Variants in FAM171B observed in about 807,000 individuals in gnomAD.
FAM171B encodes protein FAM171B.
FAM171B carries 19 observed loss-of-function variants against 75.6 expected under a neutral mutation model. The observed-to-expected ratio is 0.25, with a 90% CI of 0.18 to 0.37. The LOEUF (loss-of-function observed/expected upper bound fraction) is 0.37, where lower values mean the gene tolerates loss of function less well. Among genes scored for constraint, FAM171B ranks in the 10% least tolerant of loss-of-function variants. The pLI, the probability that FAM171B is intolerant of heterozygous loss-of-function variation, is 1.00. For missense variants in FAM171B, 848 were observed against 982.4 expected (o/e 0.86, Z 1.83); for synonymous variants, 367 against 361.7 (o/e 1.01, Z -0.17).
rs543369903 is a variant in FAM171B at position 186,725,801 on chromosome 2, A to G, written c.239-14427A>G. Among the ~76,000 whole-genome samples the G allele has an allele frequency of 2.0e-5, 3 of 152,340 alleles. No homozygotes were observed. In the East Asian group the frequency reaches 5.8e-4, roughly 29 times the overall value. Reference sequence around the variant, plus strand: ...TAAATGTTGAATAAGTGTCTGAGTGAGTGAATAAATGCTTGTGATTCTAAG... The same window carrying G: ...TAAATGTTGAATAAGTGTCTGAGTGGGTGAATAAATGCTTGTGATTCTAAG... On this transcript the variant is annotated intron_variant, in intron 1 of 7. Coordinates refer to ENST00000304698, the MANE Select transcript of FAM171B (RefSeq NM_177454.4).
At chr2:186,742,110 C>T (rs1168143832) in intron 2 of FAM171B, among the ~76,000 whole-genome samples, 1 of 152,046 alleles carries the variant, frequency 6.6e-6, no homozygotes, top group Non-Finnish European at 1.5e-5. Flanking sequence ...GAATACCCAA[C>T]AAAGAGCTAT....
chr2:186,731,139 A>G (rs1009984510), intron 1 of FAM171B, among the ~76,000 whole-genome samples: 4 of 152,188 alleles, frequency 2.6e-5, no homozygotes, highest in African/African-American at 7.2e-5. Context: ...ATTCTGTAAC[A>G]GGTATCAATG....
chr2:186,730,835 GTTTTT>G (rs992812875), intron 1 of FAM171B, among the ~76,000 whole-genome samples: 1 of 149,672 alleles, frequency 6.7e-6, no homozygotes, highest in East Asian at 1.9e-4. Flanking sequence ...GGAATATGCA[GTTTTT>G]TTTTTCTTTT....
At chr2:186,754,189 A>T (rs990325874) in intron 6 of FAM171B, 140 bp downstream of exon 6, 1 of 584,420 alleles carries the variant, frequency 1.7e-6, no homozygotes, top group Non-Finnish European at 2.9e-6. Flanking sequence ...ATCTCAGCTT[A>T]TTTTTTTTTC....
chr2:186,725,581 A>G (rs1171066674), intron 1 of FAM171B, among the ~76,000 whole-genome samples: 1 of 151,970 alleles, frequency 6.6e-6, no homozygotes, highest in East Asian at 1.9e-4. Context: ...CTCACACCCC[A>G]TTTTCAAAAC....
intron 7 of FAM171B, 106 bp downstream of exon 7, chr2:186,761,342 T>G (rs908534223): frequency 6.9e-7 from 1 of 1,444,750 alleles, no homozygotes. Context: ...AATCTTATAA[T>G]ATATCCTTTT....
chr2:186,715,181 G>A (rs1689857690), intron 1 of FAM171B, among the ~76,000 whole-genome samples: 2 of 152,076 alleles, frequency 1.3e-5, no homozygotes, highest in South Asian at 4.1e-4. Context: ...TGAAGGAACT[G>A]AGGGGTTTTG....
intron 6 of FAM171B, among the ~76,000 whole-genome samples, chr2:186,757,031 C>A: frequency 6.6e-6 from 1 of 152,108 alleles, no homozygotes; most frequent in Non-Finnish European, 1.5e-5. Context: ...TGGATGTGTT[C>A]ATCAACCTGG....
intron 1 of FAM171B, among the ~76,000 whole-genome samples, chr2:186,727,080 C>G (rs1244951934): frequency 3.9e-5 from 6 of 152,112 alleles, no homozygotes; most frequent in Admixed American, 3.9e-4. Flanking sequence ...CCCCCACCCC[C>G]TTCATTTAGT....
At chr2:186,748,179 TC>T (rs34063996) in intron 4 of FAM171B, among the ~76,000 whole-genome samples, 24,866 of 152,040 alleles carry the variant, frequency 0.16, 2,158 homozygotes, top group Middle Eastern at 0.25. Flanking sequence ...CACCTCAGCC[TC>T]CCAAGGTGCT....
chr2:186,694,135 G>T lies in FAM171B; in HGVS notation c.-39G>T. 1.3e-6 allele frequency: 2 copies of T among 1,482,598 alleles called. No individual in the cohort carries two copies. Among genetic ancestry groups the T allele is most frequent in the Non-Finnish European group, 1.8e-6 (2 of 1,125,614 alleles). The allele number at this position is 1,482,598 out of a possible 1,614,324, so 91.8% of individuals were successfully genotyped here. A position where few individuals can be genotyped will look rare whatever the true frequency, so the allele number is the denominator to read the frequency against. ...GCCCTGGCGCCCGCCGCCGCCCGGAGCCCCGCAATATGCCGCCGCGGCCCT... is the reference window on the plus strand; with the variant it reads ...GCCCTGGCGCCCGCCGCCGCCCGGATCCCCGCAATATGCCGCCGCGGCCCT... On this transcript the variant is annotated 5_prime_UTR_variant, in exon 1 of 8. Transcript: ENST00000304698.
chr2:186,707,841 TA>T (rs11352829), intron 1 of FAM171B, among the ~76,000 whole-genome samples: 73,714 of 144,138 alleles, frequency 0.51, 18,514 homozygotes, highest in East Asian at 0.74. Context: ...TTTTTTTTTT[TA>T]AAAAAAAAAA....
chr2:186,743,107 A>T lies in FAM171B; in HGVS notation c.473-376A>T, dbSNP rs186139923. Among the ~76,000 whole-genome samples the T allele has an allele frequency of 2.1e-4, 32 of 152,260 alleles. No individual in the cohort carries two copies. The East Asian group carries it at 5.8e-3, about 28-fold the overall frequency. ...GAGAAGCTTGAATCATGGAGCCAAG[A>T]AAAAAAATTTTTAAATCTTAATAAG... On this transcript the variant is annotated intron_variant, in intron 2 of 7. Transcript: ENST00000304698.
intron 4 of FAM171B, among the ~76,000 whole-genome samples, chr2:186,750,089 AC>A (rs1264941460): frequency 2.6e-5 from 4 of 152,210 alleles, no homozygotes; most frequent in African/African-American, 9.6e-5. Context: ...AAATGAATGA[AC>A]AAATTTCTAG....
At chr2:186,715,988 T>G (rs184025456) in intron 1 of FAM171B, among the ~76,000 whole-genome samples, 2 of 152,316 alleles carry the variant, frequency 1.3e-5, no homozygotes, top group Non-Finnish European at 1.5e-5. Flanking sequence ...TTTGCTCTGT[T>G]TGCTTCACAT....
chr2:186,723,451 CTTTTTT>C (rs142688303), intron 1 of FAM171B, among the ~76,000 whole-genome samples: 1 of 152,000 alleles, frequency 6.6e-6, no homozygotes, highest in African/African-American at 2.4e-5. Context: ...CCCCTTATGT[CTTTTTT>C]TTATTATTAT....
At chr2:186,700,145 AT>A (rs1689636544) in intron 1 of FAM171B, among the ~76,000 whole-genome samples, 1 of 145,088 alleles carries the variant, frequency 6.9e-6, no homozygotes, top group Non-Finnish European at 1.5e-5. Flanking sequence ...ATTTTAGGTT[AT>A]TTTTTTCTAT....
At chr2:186,717,545 T>G (rs1385976589) in intron 1 of FAM171B, among the ~76,000 whole-genome samples, 2 of 152,186 alleles carry the variant, frequency 1.3e-5, no homozygotes, top group Non-Finnish European at 2.9e-5. Flanking sequence ...AATGGATGCT[T>G]CTGATCAGAT....
chr2:186,722,887 A>G (rs757766852), intron 1 of FAM171B, among the ~76,000 whole-genome samples: 9 of 152,176 alleles, frequency 5.9e-5, no homozygotes, highest in Non-Finnish European at 1.2e-4. Flanking sequence ...ACACTTTACA[A>G]TTATTTGGTG....
Sources: allele counts gnomAD v4.1 joint callset (sites outside exome capture counted in the v4.1 genomes callset), GRCh38; gene constraint gnomAD v4.1.1; transcripts MANE v1.5; gene names NCBI Gene and HGNC (gene_info 2026-07-23, HGNC 2026-07-21).